Variants in MIDEAS observed in about 807,000 individuals in gnomAD.
The protein encoded by MIDEAS is mitotic deacetylase-associated SANT domain protein.
A neutral mutation model predicts 102.7 loss-of-function variants in MIDEAS; 26 were observed. The observed-to-expected ratio is 0.25, with a 90% confidence interval of 0.19 to 0.35. MIDEAS has a LOEUF of 0.35. Ranked by LOEUF, MIDEAS falls within the 10% of genes least tolerant of loss-of-function variation. MIDEAS has a pLI of 1.00. For missense variants in MIDEAS, 1,231 were observed against 1,435.6 expected (o/e 0.86, Z 2.30); for synonymous variants, 585 against 591.0 (o/e 0.99, Z 0.15).
upstream of MIDEAS, chr14:73,789,969 G>A (rs1428402921): frequency 6.6e-6 from 1 of 152,278 alleles, no homozygotes; most frequent in South Asian, 2.1e-4. Flanking sequence ...CCTAGAAGGA[G>A]AGTTGGCAAG....
intron 2 of MIDEAS, among the ~76,000 whole-genome samples, chr14:73,737,581 G>A (rs1186843419): frequency 6.6e-6 from 1 of 151,868 alleles, no homozygotes; most frequent in East Asian, 1.9e-4. Context: ...AGCCGAGATC[G>A]AACCACTGCA....
chr14:73,733,613 C>G (rs2053165776), intron 3 of MIDEAS, among the ~76,000 whole-genome samples: 1 of 152,086 alleles, frequency 6.6e-6, no homozygotes, highest in Non-Finnish European at 1.5e-5. Flanking sequence ...GCCCAAAAAA[C>G]CCAGAAACAA....
intron 1 of MIDEAS, among the ~76,000 whole-genome samples, chr14:73,772,328 C>T (rs1371029760): frequency 6.6e-6 from 1 of 152,238 alleles, no homozygotes; most frequent in African/African-American, 2.4e-5. Flanking sequence ...TTCAAACACA[C>T]ACACATGCTC....
intron 1 of MIDEAS, among the ~76,000 whole-genome samples, chr14:73,741,409 C>T (rs2053279718): frequency 6.6e-6 from 1 of 152,110 alleles, no homozygotes; most frequent in Non-Finnish European, 1.5e-5. Flanking sequence ...ACATAGCCCA[C>T]CTCTTTCCCC....
rs1049623258 is a variant in MIDEAS at position 73,755,225 on chromosome 14, G to A, written c.-248+4538C>T. Among the ~76,000 whole-genome samples the A allele has an allele frequency of 6.2e-4, 94 of 152,234 alleles. 1 individual carries two copies. Among genetic ancestry groups the A allele is most frequent in the African/African-American group, 2.2e-3 (90 of 41,528 alleles). On this transcript the variant is annotated intron_variant, in intron 1 of 12. Transcript: ENST00000423556. ...AGCAACAGCAAGGGCGGCTGCCAGG[G>A]AAGCCTCAGCCCCAAGCCCCGGCTC...
chr14:73,730,229 ATC>A, intron 3 of MIDEAS: 1 of 690,348 alleles, frequency 1.4e-6, no homozygotes, highest in Non-Finnish European at 2.7e-6. Flanking sequence ...GCCACATGTG[ATC>A]TCTGTTACAT....
chr14:73,756,307 TGC>T (rs1350771766), intron 1 of MIDEAS, among the ~76,000 whole-genome samples: 1 of 104,768 alleles, frequency 9.5e-6, no homozygotes, highest in African/African-American at 3.8e-5. Flanking sequence ...CGCGCGCGCG[TGC>T]GCGCTGAGGT....
intron 1 of MIDEAS, among the ~76,000 whole-genome samples, chr14:73,777,360 G>C (rs1444804350): frequency 6.6e-6 from 1 of 151,994 alleles, no homozygotes; most frequent in Non-Finnish European, 1.5e-5. Context: ...GACATTCAGT[G>C]AGCCACCAGA....
chr14:73,723,124 T>C lies in MIDEAS; in HGVS notation c.2575-277A>G, dbSNP rs1210646174. On this transcript the variant is annotated intron_variant, in intron 9 of 12. Transcript: ENST00000423556. ...TCGGGAGATGGCAATATGGATTGCA[T>C]ATCAGAGGGCATTACTGTATTTTTT... 6.7e-5 allele frequency: 18 copies of C among 269,268 alleles called. No individual in the cohort carries two copies. In the East Asian group the frequency reaches 1.4e-3, roughly 21 times the overall value. The allele number at this position is 269,268 out of a possible 1,614,324, so 16.7% of individuals were successfully genotyped here.
Position 73,739,894 on chromosome 14 carries a change from T to TG in MIDEAS, c.114dup (p.Ile39HisfsTer30). The stretch of plus-strand genomic sequence containing the variant: ...AGGTACTGCTCCTCCTTCACTCTGA[T>TG]GGACTGCTGGGGGGGCTGCAGGGGA... On this transcript the variant is annotated frameshift_variant, in exon 2 of 13. Transcript: ENST00000423556. LOFTEE classifies it high-confidence loss of function. 6.4e-7 allele frequency: 1 copy of TG among 1,565,304 alleles called. No homozygotes were observed. The highest frequency in any genetic ancestry group is 8.7e-7 in the Non-Finnish European group (1 of 1,153,548).
chr14:73,783,263 G>C (rs888911459), intron 1 of MIDEAS, among the ~76,000 whole-genome samples: 1 of 152,122 alleles, frequency 6.6e-6, no homozygotes, highest in Non-Finnish European at 1.5e-5. Context: ...AGGCCCACAG[G>C]GTGGGACAGG....
chr14:73,747,261 G>C (rs2053364601), intron 1 of MIDEAS, among the ~76,000 whole-genome samples: 1 of 152,198 alleles, frequency 6.6e-6, no homozygotes, highest in Non-Finnish European at 1.5e-5. Flanking sequence ...ACGGAGGGCA[G>C]TGGACTGTTT....
upstream of MIDEAS, among the ~76,000 whole-genome samples, chr14:73,760,884 T>C (rs530613324): frequency 2.0e-5 from 3 of 152,330 alleles, no homozygotes; most frequent in Admixed American, 6.5e-5. The surrounding 1 kb of genome is among the most constrained non-coding windows in gnomAD (Gnocchi z 4.8). Context: ...CATTTTCCCC[T>C]GTCTTCCCTA....
chr14:73,782,989 T>G (rs1218830284), intron 1 of MIDEAS, among the ~76,000 whole-genome samples: 2 of 152,226 alleles, frequency 1.3e-5, no homozygotes, highest in Non-Finnish European at 2.9e-5. Flanking sequence ...TGATGGCCAC[T>G]GCTCTTTGTA....
chr14:73,725,257 C>A lies in MIDEAS; in HGVS notation c.2574+15G>T. 6.2e-7 allele frequency: 1 copy of A among 1,612,128 alleles called. No individual in the cohort carries two copies. Among genetic ancestry groups the A allele is most frequent in the Non-Finnish European group, 8.5e-7 (1 of 1,178,210 alleles). On this transcript the variant is annotated intron_variant, in intron 9 of 12. Transcript: ENST00000423556. This position sits in a 1 kb window ranked among gnomAD's most constrained non-coding sequence, Gnocchi z 4.1. ...CTCCTGGCCCTCATTTGCCCTGAAA[C>A]AGAGCCCAGCTCACCAGCTTCTGCA...
intron 11 of MIDEAS, 106 bp downstream of exon 11, chr14:73,721,191 T>C: frequency 1.9e-6 from 2 of 1,053,768 alleles, no homozygotes; most frequent in Non-Finnish European, 2.9e-6. Flanking sequence ...TTCCTGCTAT[T>C]ATGATTATAA....
chr14:73,756,289 TGTGTGTGCGCGCGCGC>T (rs67414440), intron 1 of MIDEAS, among the ~76,000 whole-genome samples: 24,977 of 127,000 alleles, frequency 0.2, 2,240 homozygotes, highest in South Asian at 0.31. Context: ...TGTGTGTGTG[TGTGTGTGCGCGCGCGC>T]GTGCGCGCTG....
At chr14:73,746,705 C>T (rs1263883819) in intron 1 of MIDEAS, among the ~76,000 whole-genome samples, 1 of 106,046 alleles carries the variant, frequency 9.4e-6, no homozygotes, top group African/African-American at 5.8e-5. Context: ...CCAGACTCTG[C>T]CCTGGGCCAA....
At chr14:73,767,603 A>G (rs1381401122) in intron 1 of MIDEAS, among the ~76,000 whole-genome samples, 7 of 152,026 alleles carry the variant, frequency 4.6e-5, no homozygotes, top group African/African-American at 1.7e-4. Flanking sequence ...GCACCACTGC[A>G]CTCCAGCCTG....
Sources: allele counts gnomAD v4.1 joint callset (sites outside exome capture counted in the v4.1 genomes callset), GRCh38; gene constraint gnomAD v4.1.1; non-coding constraint Gnocchi (gnomAD v3.1); transcripts MANE v1.5; gene names NCBI Gene and HGNC (gene_info 2026-07-23, HGNC 2026-07-21).